The following PLCB1 variants were observed in gnomAD, a reference collection of about 807,000 sequenced individuals.
The protein encoded by PLCB1 is 1-phosphatidylinositol 4,5-bisphosphate phosphodiesterase beta-1.
In PLCB1, 46 loss-of-function variants were observed where a neutral mutation model predicts 161.8. The observed-to-expected ratio is 0.28, with a 90% CI of 0.22 to 0.36. The LOEUF (loss-of-function observed/expected upper bound fraction) is 0.36, where lower values mean the gene tolerates loss of function less well. Among genes scored for constraint, PLCB1 ranks in the 10% least tolerant of loss-of-function variants. PLCB1 has a pLI of 1.00. For synonymous variants in PLCB1, 517 were observed against 503.7 expected (o/e 1.03, Z -0.35); for missense variants, 1,016 against 1,472.5 (o/e 0.69, Z 5.07).
chr20:8,162,475 G>A (rs2051636260), intron 2 of PLCB1, among the ~76,000 whole-genome samples: 1 of 152,154 alleles, frequency 6.6e-6, no homozygotes, highest in African/African-American at 2.4e-5. Flanking sequence ...ACTCAACTGG[G>A]CAAACCAGAG....
At chr20:8,667,485 C>T (rs1600237651) in intron 9 of PLCB1, among the ~76,000 whole-genome samples, 1 of 152,138 alleles carries the variant, frequency 6.6e-6, no homozygotes, top group South Asian at 2.1e-4. Context: ...CTTTCCTTTC[C>T]GTTATTACAT....
intron 2 of PLCB1, among the ~76,000 whole-genome samples, chr20:8,366,836 T>G (rs1986727169): frequency 6.6e-6 from 1 of 152,242 alleles, no homozygotes; most frequent in Non-Finnish European, 1.5e-5. Flanking sequence ...CGGTAGGTTA[T>G]GTGACTTTAG....
At chr20:8,464,356 T>C (rs1981719058) in intron 3 of PLCB1, among the ~76,000 whole-genome samples, 1 of 152,188 alleles carries the variant, frequency 6.6e-6, no homozygotes, top group African/African-American at 2.4e-5. Context: ...CCATTGCTAC[T>C]TTGCCTCCCT....
intron 14 of PLCB1, among the ~76,000 whole-genome samples, 188 bp downstream of exon 14, chr20:8,718,036 A>C (rs1979424472): frequency 6.6e-6 from 1 of 151,394 alleles, no homozygotes; most frequent in South Asian, 2.1e-4. Flanking sequence ...GGTGGCCAAC[A>C]TGGTGAAATC....
chr20:8,664,472 AT>A (rs1989761348), intron 9 of PLCB1, among the ~76,000 whole-genome samples: 1 of 152,184 alleles, frequency 6.6e-6, no homozygotes. Flanking sequence ...TGCATTTTCA[AT>A]ATAGTTTTAT....
At chr20:8,614,242 G>A (rs1288148338) in intron 3 of PLCB1, among the ~76,000 whole-genome samples, 1 of 151,886 alleles carries the variant, frequency 6.6e-6, no homozygotes, top group Non-Finnish European at 1.5e-5. Flanking sequence ...ACATGCTGTA[G>A]GTACGATAAG....
At chr20:8,269,618 TTGAAAACTGA>T (rs1172680677) in intron 2 of PLCB1, among the ~76,000 whole-genome samples, 13 of 152,180 alleles carry the variant, frequency 8.5e-5, no homozygotes, top group Non-Finnish European at 1.9e-4. Context: ...CCTATTTTTT[TTGAAAACTGA>T]TTTTGTTGCT....
intron 4 of PLCB1, among the ~76,000 whole-genome samples, chr20:8,642,544 G>A (rs1988989261): frequency 6.6e-6 from 1 of 152,004 alleles, no homozygotes; most frequent in Middle Eastern, 3.2e-3. Flanking sequence ...TAATCAGAAT[G>A]ACACCATTAT....
rs2051307552 is a variant in PLCB1 at position 8,132,890 on chromosome 20, A to G, written c.99+140A>G. 4.6e-6 allele frequency: 3 copies of G among 647,040 alleles called. No homozygotes were observed. Among genetic ancestry groups the G allele is most frequent in the African/African-American group, 1.8e-5 (1 of 54,120 alleles). The allele number at this position is 647,040 out of a possible 1,614,324, so 40.1% of individuals were successfully genotyped here. A position where few individuals can be genotyped will look rare whatever the true frequency, so the allele number is the denominator to read the frequency against. On this transcript the variant is annotated intron_variant, in intron 1 of 31. Coordinates refer to ENST00000338037, the MANE Select transcript of PLCB1 (RefSeq NM_015192.4). This position sits in a 1 kb window ranked among gnomAD's most constrained non-coding sequence, Gnocchi z 5.2. ...GGCAGCCTCGGGCGCACAGGTTGGCATCTGCCAAAGCGGATGTCCAAGGGC... is the reference window on the plus strand; with the variant it reads ...GGCAGCCTCGGGCGCACAGGTTGGCGTCTGCCAAAGCGGATGTCCAAGGGC...
At chr20:8,546,404 T>G (rs1985551621) in intron 3 of PLCB1, among the ~76,000 whole-genome samples, 1 of 151,170 alleles carries the variant, frequency 6.6e-6, no homozygotes, top group South Asian at 2.1e-4. Flanking sequence ...AATGAATCCC[T>G]CTGATGAATA....
chr20:8,729,248 G>C (rs1027323729), intron 18 of PLCB1, 74 bp downstream of exon 18: 1 of 1,330,846 alleles, frequency 7.5e-7, no homozygotes, highest in African/African-American at 1.5e-5. Context: ...TTACATAATT[G>C]GGGGAGAGAA....
chr20:8,182,253 A>G (rs1050439491), intron 2 of PLCB1, among the ~76,000 whole-genome samples: 1 of 152,152 alleles, frequency 6.6e-6, no homozygotes, highest in Non-Finnish European at 1.5e-5. Context: ...TTCCTGTGGC[A>G]TACCTCTTTG....
Position 8,848,494 on chromosome 20 carries a change from G to A in PLCB1, c.3424-33128G>A, listed in dbSNP as rs1045562437. Among the ~76,000 whole-genome samples, 4 of 133,560 alleles carry A rather than the reference G, an allele frequency of 3.0e-5. No individual in the cohort carries two copies. The Admixed American group carries it at 3.3e-4, about 11-fold the overall frequency. 87.6% of individuals were successfully genotyped at this position (133,560 alleles called of 152,430 possible). On this transcript the variant is annotated intron_variant, in intron 31 of 31. Transcript: ENST00000338037. ...ATAAATTCAGATATGATTGAAAGGGGTTTACACAAGGCCTCCTTATCACTG... is the reference window on the plus strand; with the variant it reads ...ATAAATTCAGATATGATTGAAAGGGATTTACACAAGGCCTCCTTATCACTG...
At chr20:8,352,223 G>A (rs1986203587) in intron 2 of PLCB1, among the ~76,000 whole-genome samples, 1 of 152,084 alleles carries the variant, frequency 6.6e-6, no homozygotes, top group African/African-American at 2.4e-5. Context: ...AGTGATATAA[G>A]TCAGTCTGAA....
At chr20:8,322,242 T>A (rs1984952955) in intron 2 of PLCB1, among the ~76,000 whole-genome samples, 1 of 152,190 alleles carries the variant, frequency 6.6e-6, no homozygotes, top group Admixed American at 6.6e-5. Context: ...ACTTCAGCTC[T>A]AATTCAGTGT....
chr20:8,503,979 A>G (rs747992848), intron 3 of PLCB1, among the ~76,000 whole-genome samples: 14 of 152,072 alleles, frequency 9.2e-5, no homozygotes, highest in Non-Finnish European at 1.2e-4. Context: ...CCCTTGTCCT[A>G]TTTCTCCTCC....
Position 8,788,432 on chromosome 20 carries a change from A to G in PLCB1, c.3112-17A>G. ...TGCAATCATTTGAAATAGCAAACTG[A>G]CATTTTCTTTTTCCAGCTTATTCAA... On this transcript the variant is annotated splice_polypyrimidine_tract_variant and intron_variant, in intron 27 of 31. Coordinates refer to ENST00000338037, the MANE Select transcript of PLCB1 (RefSeq NM_015192.4). 3.1e-6 allele frequency: 5 copies of G among 1,610,856 alleles called. No homozygotes were observed. The highest frequency in any genetic ancestry group is 3.4e-6 in the Non-Finnish European group (4 of 1,178,420).
intron 3 of PLCB1, among the ~76,000 whole-genome samples, chr20:8,559,218 G>T (rs879004156): frequency 6.6e-6 from 1 of 151,854 alleles, no homozygotes; most frequent in Admixed American, 6.6e-5. Context: ...GAATATAAGA[G>T]CAAAGTAATT....
At chr20:8,531,857 A>T (rs1186894100) in intron 3 of PLCB1, among the ~76,000 whole-genome samples, 1 of 151,850 alleles carries the variant, frequency 6.6e-6, no homozygotes, top group African/African-American at 2.4e-5. Context: ...AAAGTTTAGG[A>T]CTCACAAATT....
Sources: allele counts gnomAD v4.1 joint callset (sites outside exome capture counted in the v4.1 genomes callset), GRCh38; gene constraint gnomAD v4.1.1; non-coding constraint Gnocchi (gnomAD v3.1); transcripts MANE v1.5; gene names NCBI Gene and HGNC (gene_info 2026-07-23, HGNC 2026-07-21).